RYR2: variants seen among roughly 807,000 people sequenced by gnomAD.
RYR2 encodes cardiac muscle ryanodine receptor-calcium release channel.
A neutral mutation model predicts 601.1 loss-of-function variants in RYR2; 227 were observed. The ratio of observed to expected loss-of-function variants is 0.38; its 90% confidence interval spans 0.34 to 0.42. The LOEUF (loss-of-function observed/expected upper bound fraction) is 0.42, where lower values mean the gene tolerates loss of function less well. Ranked by LOEUF, RYR2 falls within the 10% of genes least tolerant of loss-of-function variation. The pLI, the probability that RYR2 is intolerant of heterozygous loss-of-function variation, is 1.00. For synonymous variants in RYR2, 2,223 were observed against 2,175.1 expected, an observed-to-expected ratio of 1.02 and a Z score of -0.61; for missense variants, 4,646 against 6,156.5, an observed-to-expected ratio of 0.75 and a Z score of 8.21.
At chr1:237,446,608 A>G (rs980153887) in intron 14 of RYR2, among the ~76,000 whole-genome samples, 1 of 151,944 alleles carries the variant, frequency 6.6e-6, no homozygotes, top group Non-Finnish European at 1.5e-5. Flanking sequence ...ATTATTTTCT[A>G]CTTCTTTTAT....
intron 52 of RYR2, 87 bp downstream of exon 52, chr1:237,654,501 A>G (rs1184059842): frequency 7.4e-7 from 1 of 1,352,258 alleles, no homozygotes; most frequent in Non-Finnish European, 1.0e-6. Flanking sequence ...CTAGTTGAAT[A>G]CTATCTTTGC....
At chr1:237,790,486 G>T (rs1255801395) in intron 92 of RYR2, among the ~76,000 whole-genome samples, 1 of 151,772 alleles carries the variant, frequency 6.6e-6, no homozygotes, top group Non-Finnish European at 1.5e-5. Flanking sequence ...AGCTGGAGTG[G>T]GCCTTCCAAA....
intron 73 of RYR2, among the ~76,000 whole-genome samples, chr1:237,719,697 A>G (rs1689553895): frequency 1.3e-5 from 2 of 152,210 alleles, no homozygotes; most frequent in South Asian, 4.2e-4. Flanking sequence ...ACATTTCCAC[A>G]TAAGGCTGCT....
intron 1 of RYR2, among the ~76,000 whole-genome samples, chr1:237,066,888 C>A (rs192540295): frequency 2.0e-3 from 299 of 152,244 alleles, no homozygotes; most frequent in Middle Eastern, 6.8e-3. Flanking sequence ...CCGCCCGCCT[C>A]GGCCTCCCAA....
At chr1:237,453,835 G>A (rs1414559587) in intron 14 of RYR2, among the ~76,000 whole-genome samples, 1 of 152,000 alleles carries the variant, frequency 6.6e-6, no homozygotes, top group African/African-American at 2.4e-5. Context: ...TGATATTTTT[G>A]TTAGTATAAC....
At chr1:237,539,585 C>A (rs1466325540) in intron 25 of RYR2, among the ~76,000 whole-genome samples, 1 of 152,146 alleles carries the variant, frequency 6.6e-6, no homozygotes, top group Admixed American at 6.5e-5. Context: ...TAAACTAATG[C>A]AGGAACAGAA....
At chr1:237,492,495 T>G (rs1390585609) in intron 18 of RYR2, among the ~76,000 whole-genome samples, 1 of 152,138 alleles carries the variant, frequency 6.6e-6, no homozygotes, top group African/African-American at 2.4e-5. Flanking sequence ...AGGAATGCAT[T>G]TGCTTTGTAA....
At chr1:237,508,781 C>T (rs1336676318) in intron 23 of RYR2, among the ~76,000 whole-genome samples, 4 of 125,878 alleles carry the variant, frequency 3.2e-5, no homozygotes, top group East Asian at 4.6e-4. Flanking sequence ...CTTGCTCTGT[C>T]GCCCAGGCTG....
At chr1:237,119,341 AAGTC>A (rs1670505032) in intron 1 of RYR2, among the ~76,000 whole-genome samples, 2 of 151,992 alleles carry the variant, frequency 1.3e-5, no homozygotes, top group East Asian at 1.9e-4. Flanking sequence ...CGTTCCTATT[AAGTC>A]AGTCAGTCTG....
At chr1:237,512,230 A>C (rs559621542) in intron 24 of RYR2, among the ~76,000 whole-genome samples, 39 of 152,336 alleles carry the variant, frequency 2.6e-4, no homozygotes, top group African/African-American at 9.1e-4. Flanking sequence ...CTAATGATTT[A>C]AGAAATGTGA....
At chr1:237,324,417 G>C (rs1315058674) in intron 2 of RYR2, among the ~76,000 whole-genome samples, 4 of 152,120 alleles carry the variant, frequency 2.6e-5, no homozygotes, top group Non-Finnish European at 4.4e-5. Context: ...CCACACAGCA[G>C]ATGGGCGCCT....
intron 1 of RYR2, among the ~76,000 whole-genome samples, chr1:237,108,800 C>T (rs1043390063): frequency 6.6e-6 from 1 of 152,200 alleles, no homozygotes; most frequent in Non-Finnish European, 1.5e-5. Flanking sequence ...AATGTTGTCT[C>T]TTGTCTGTGC....
intron 1 of RYR2, among the ~76,000 whole-genome samples, chr1:237,167,489 A>G (rs1293791482): frequency 6.6e-6 from 1 of 152,128 alleles, no homozygotes; most frequent in African/African-American, 2.4e-5. Flanking sequence ...CGTTTGCAAT[A>G]ACTTTTAGAC....
At chr1:237,604,138 C>T (rs1676832707) in intron 35 of RYR2, among the ~76,000 whole-genome samples, 1 of 152,128 alleles carries the variant, frequency 6.6e-6, no homozygotes, top group South Asian at 2.1e-4. Flanking sequence ...ATCACCACAT[C>T]GCACTTACTC....
intron 17 of RYR2, among the ~76,000 whole-genome samples, chr1:237,484,594 G>A (rs1018419248): frequency 6.6e-5 from 10 of 152,186 alleles, no homozygotes; most frequent in East Asian, 3.8e-4. Flanking sequence ...GTCAGCCTAC[G>A]TAGAGCACTC....
chr1:237,747,635 T>G (rs1692194084), intron 80 of RYR2, among the ~76,000 whole-genome samples: 3 of 152,208 alleles, frequency 2.0e-5, no homozygotes, highest in Admixed American at 2.0e-4. Context: ...GCTACAAGAA[T>G]GAATGGGCTG....
intron 1 of RYR2, among the ~76,000 whole-genome samples, chr1:237,156,501 C>G (rs866033835): frequency 3.9e-5 from 6 of 152,158 alleles, no homozygotes; most frequent in Middle Eastern, 3.2e-3. Flanking sequence ...TATTAATAGA[C>G]TTTAAGAAAA....
chr1:237,813,041 G>A (rs111271023), intron 100 of RYR2, among the ~76,000 whole-genome samples: 36 of 151,968 alleles, frequency 2.4e-4, no homozygotes, highest in African/African-American at 8.7e-4. Flanking sequence ...ATTCATTCCA[G>A]GCCTAGGGCT....
At chr1:237,042,690 C>T (rs1377526688) in intron 1 of RYR2, 121 bp downstream of exon 1, 24 of 999,076 alleles carry the variant, frequency 2.4e-5, no homozygotes, top group Middle Eastern at 2.4e-4. Context: ...GGGGTGCCCC[C>T]TGAGGATGCG....
Sources: gnomAD v4.1 joint callset for allele counts (sites outside exome capture counted in the v4.1 genomes callset) on GRCh38, gnomAD v4.1.1 for gene constraint, MANE v1.5 for transcripts, NCBI Gene and HGNC (gene_info 2026-07-23, HGNC 2026-07-21) for gene names.